The following SLTM variants were observed in gnomAD, a reference collection of about 807,000 sequenced individuals.
SLTM encodes the protein SAFB-like transcription modulator.
Under a neutral mutation model 134.6 loss-of-function variants are expected in SLTM, and 43 were observed. That is an observed-to-expected ratio of 0.32 (90% CI 0.25 to 0.41). The LOEUF (loss-of-function observed/expected upper bound fraction) is 0.41. Among genes scored for constraint, SLTM ranks in the 10% least tolerant of loss-of-function variants. The pLI, the probability that SLTM is intolerant of heterozygous loss-of-function variation, is 1.00. For synonymous variants in SLTM, 424 were observed against 432.3 expected (o/e 0.98, Z 0.24); for missense variants, 1,055 against 1,288.8 (o/e 0.82, Z 2.78).
chr15:58,923,708 C>T (rs1052418441), intron 2 of SLTM, among the ~76,000 whole-genome samples: 2 of 150,518 alleles, frequency 1.3e-5, no homozygotes, highest in South Asian at 2.1e-4. Flanking sequence ...TTTTGTCCTA[C>T]AGGGAATCTA....
At position 58,899,502 on chromosome 15, in the gene SLTM, G is replaced by A. The variant is rs769791105; in HGVS notation, c.1025C>T (p.Pro342Leu). 18 of 1,613,998 alleles carry A rather than the reference G, an allele frequency of 1.1e-5. No individual in the cohort carries two copies. Among genetic ancestry groups the A allele is most frequent in the Admixed American group, 3.3e-5 (2 of 60,016 alleles). Reference protein sequence around the residue: ...DKEKDTLKKGPSSTGASGQAK... With the variant: ...DKEKDTLKKGLSSTGASGQAK... The stretch of plus-strand genomic sequence containing the variant: ...TTGACCAGAGGCCCCAGTAGACGAG[G>A]GCCCTTTCTTCAAAGTATCCTTTTC... Residue 342 changes from proline to leucine, a missense_variant, in exon 7 of 21, where the codon CCC (proline) becomes CTC (leucine). This residue lies in a region of SLTM where 776 missense variants were observed against 962.2 expected (regional missense o/e 0.81). Coordinates refer to ENST00000380516, the MANE Select transcript of SLTM (RefSeq NM_024755.4). This position sits in a 1 kb window ranked among gnomAD's most constrained non-coding sequence, Gnocchi z 5.0.
At position 58,880,037 on chromosome 15, in the gene SLTM, A is replaced by G. The variant is rs760779415; in HGVS notation, c.3067T>C (p.Phe1023Leu). Residue 1023 changes from phenylalanine to leucine, a missense_variant, in exon 21 of 21, where the codon TTT becomes CTT. Around this residue, in one of 3 missense-constraint regions of SLTM, gnomAD observed 776 missense variants for 962.2 expected, o/e 0.81. Coordinates refer to ENST00000380516, the MANE Select transcript of SLTM (RefSeq NM_024755.4). ...NSMPRGSGSGFKPFKGGPPRR... is the reference protein window; with the variant it reads ...NSMPRGSGSGLKPFKGGPPRR... ...GGAGGTCCACCCTTAAATGGCTTAA[A>G]TCCGGAGCCACTTCCTCTTGGCATG... The G allele has an allele frequency of 4.1e-5, 66 of 1,614,044 alleles. No individual in the cohort carries two copies. The highest frequency in any genetic ancestry group is 5.4e-5 in the Non-Finnish European group (64 of 1,180,034).
chr15:58,890,077 T>C (rs2034537676), intron 15 of SLTM: 2 of 597,988 alleles, frequency 3.3e-6, no homozygotes, highest in East Asian at 2.8e-5. Context: ...GCTAGAATTA[T>C]TACCAGTTAT....
In SLTM at chr15:58,899,234, CA is replaced by C. The variant is rs2035306823; in HGVS notation, c.1058+234del. The C allele has an allele frequency of 1.9e-5, 8 of 411,738 alleles. No homozygotes were observed. In the East Asian group the frequency reaches 2.8e-4, roughly 14 times the overall value. The allele number at this position is 411,738 out of a possible 1,614,324, so 25.5% of individuals were successfully genotyped here. On this transcript the variant is annotated intron_variant, in intron 7 of 20. Coordinates refer to ENST00000380516, the MANE Select transcript of SLTM (RefSeq NM_024755.4). This position sits in a 1 kb window ranked among gnomAD's most constrained non-coding sequence, Gnocchi z 5.0. ...AAAAAAAAAAACAAAAAACAAAAAA[CA>C]ACAAAAAAACCAAATATATGCTGAC...
intron 5 of SLTM, among the ~76,000 whole-genome samples, chr15:58,907,744 T>C (rs1595890500): frequency 2.0e-5 from 3 of 152,280 alleles, no homozygotes; most frequent in Admixed American, 2.0e-4. Flanking sequence ...TGACTACTAA[T>C]TGCACATATA....
intron 4 of SLTM, among the ~76,000 whole-genome samples, chr15:58,913,274 T>A (rs1359788625): frequency 6.6e-6 from 1 of 152,062 alleles, no homozygotes; most frequent in African/African-American, 2.4e-5. Context: ...ACAGAATAAA[T>A]AGGAACTTAC....
intron 2 of SLTM, among the ~76,000 whole-genome samples, chr15:58,925,218 T>C (rs1271063855): frequency 2.0e-5 from 3 of 152,242 alleles, no homozygotes; most frequent in African/African-American, 7.2e-5. Flanking sequence ...ATGCCTTGTA[T>C]TGTTTGCAAG....
chr15:58,898,051 A>G (rs1322922296), intron 8 of SLTM: 1 of 152,156 alleles, frequency 6.6e-6, no homozygotes, highest in Non-Finnish European at 1.5e-5. Context: ...AGCAATTAAA[A>G]GGAACAATTT....
intron 9 of SLTM, 149 bp from the exon 10 acceptor site, chr15:58,894,731 G>A: frequency 3.0e-6 from 2 of 677,208 alleles, no homozygotes; most frequent in Admixed American, 3.0e-5. Flanking sequence ...TTGAGATGGA[G>A]TCACACTCTG....
rs1160652519 is a variant in SLTM at position 58,897,020 on chromosome 15, A to T, written c.1227+95T>A. On this transcript the variant is annotated intron_variant, in intron 9 of 20. Transcript: ENST00000380516. ...TATTAACAGTCCTAAGAGATACAAT[A>T]AATTAGAAGATATTCATGTAATACT... 4 of 757,292 alleles carry T rather than the reference A, an allele frequency of 5.3e-6. No homozygotes were observed. In the African/African-American group the frequency reaches 7.0e-5, roughly 13 times the overall value. 46.9% of individuals were successfully genotyped at this position (757,292 alleles called of 1,614,324 possible). A position where few individuals can be genotyped will look rare whatever the true frequency, so the allele number is the denominator to read the frequency against.
intron 14 of SLTM, among the ~76,000 whole-genome samples, chr15:58,891,059 T>C (rs1408808354): frequency 1.3e-5 from 2 of 152,224 alleles, no homozygotes; most frequent in Non-Finnish European, 2.9e-5. Flanking sequence ...GAATTGTTAT[T>C]GTATTAGACT....
intron 2 of SLTM, among the ~76,000 whole-genome samples, chr15:58,925,522 G>C (rs573079339): frequency 6.6e-6 from 1 of 152,176 alleles, no homozygotes; most frequent in African/African-American, 2.4e-5. Flanking sequence ...ATTTTTAGTA[G>C]AGATGGGGTT....
Position 58,887,201 on chromosome 15 carries a change from A to G in SLTM, c.2690+25T>C, listed in dbSNP as rs201019327. The G allele has an allele frequency of 3.4e-5, 54 of 1,611,924 alleles. No homozygotes were observed. In the East Asian group the frequency reaches 1.2e-3, roughly 36 times the overall value. On this transcript the variant is annotated intron_variant, in intron 18 of 20. Transcript: ENST00000380516. ...AACCCCAATGCATGAGACCACTAGG[A>G]AAGCATTACATAGTACACAGCTACC...
At chr15:58,896,566 GA>G (rs553480395) in intron 9 of SLTM, among the ~76,000 whole-genome samples, 6 of 144,294 alleles carry the variant, frequency 4.2e-5, no homozygotes, top group Non-Finnish European at 6.1e-5. Context: ...GTCTCAAAAA[GA>G]AAAAAAAAAG....
chr15:58,906,762 T>C (rs1027093160), intron 5 of SLTM, among the ~76,000 whole-genome samples: 1 of 152,210 alleles, frequency 6.6e-6, no homozygotes, highest in African/African-American at 2.4e-5. Context: ...CAAAAAATAC[T>C]TGTTGAATGA....
chr15:58,880,332 T>C (rs1386849314), intron 20 of SLTM, among the ~76,000 whole-genome samples: 3 of 152,162 alleles, frequency 2.0e-5, no homozygotes, highest in African/African-American at 7.2e-5. Context: ...AAGCAGAGAT[T>C]TGAACTTGGG....
At chr15:58,887,160 A>T in intron 18 of SLTM, 41 bp from the exon 19 acceptor site, 1 of 1,612,786 alleles carries the variant, frequency 6.2e-7, no homozygotes, top group Non-Finnish European at 8.5e-7. Context: ...TCAAAACTGT[A>T]ATCTTAACTT....
At chr15:58,913,736 G>A (rs2036439962) in intron 3 of SLTM, 40 bp from the exon 4 acceptor site, 1 of 1,543,866 alleles carries the variant, frequency 6.5e-7, no homozygotes, top group East Asian at 2.2e-5. Context: ...TAGAGGCAAA[G>A]TAGTGTGGGC....
At chr15:58,882,181 C>CAAAA (rs71119415) in intron 20 of SLTM, among the ~76,000 whole-genome samples, 4 of 59,528 alleles carry the variant, frequency 6.7e-5, no homozygotes, top group African/African-American at 1.8e-4. Context: ...GACTCTGTCT[C>CAAAA]AAAAAAAAAA....
Sources: allele counts gnomAD v4.1 joint callset (sites outside exome capture counted in the v4.1 genomes callset), GRCh38; gene constraint gnomAD v4.1.1; regional missense constraint gnomAD v4.1.1; non-coding constraint Gnocchi (gnomAD v3.1); transcripts MANE v1.5; gene names NCBI Gene and HGNC (gene_info 2026-07-23, HGNC 2026-07-21).